The following SEMA3E variants were observed in gnomAD, a reference collection of about 807,000 sequenced individuals.
SEMA3E encodes semaphorin-3E.
Under a neutral mutation model 93.6 loss-of-function variants are expected in SEMA3E, and 49 were observed. The ratio of observed to expected loss-of-function variants is 0.52; its 90% confidence interval spans 0.42 to 0.66. The LOEUF (loss-of-function observed/expected upper bound fraction) is 0.66, where lower values mean the gene tolerates loss of function less well. Ranked by LOEUF, SEMA3E falls within the 30% of genes least tolerant of loss-of-function variation. The probability of loss-of-function intolerance (pLI) is 0.00; values close to 1 mark genes in which losing one functional copy is unlikely to be tolerated. For missense variants in SEMA3E, 906 were observed against 964.8 expected, an observed-to-expected ratio of 0.94 and a Z score of 0.81; for synonymous variants, 363 against 330.7, an observed-to-expected ratio of 1.10 and a Z score of -1.06.
chr7:83,429,722 A>G (rs1788843929), intron 4 of SEMA3E, among the ~76,000 whole-genome samples: 1 of 151,792 alleles, frequency 6.6e-6, no homozygotes, highest in Non-Finnish European at 1.5e-5. Flanking sequence ...CCCTCATCCA[A>G]TCCACACTCC....
At chr7:83,589,851 C>T (rs1792719213) in intron 1 of SEMA3E, among the ~76,000 whole-genome samples, 1 of 151,968 alleles carries the variant, frequency 6.6e-6, no homozygotes, top group Non-Finnish European at 1.5e-5. Flanking sequence ...TCCAGAAATA[C>T]CTGGTTTCAA....
intron 4 of SEMA3E, among the ~76,000 whole-genome samples, chr7:83,454,993 G>T (rs1462337051): frequency 6.6e-6 from 1 of 150,976 alleles, no homozygotes; most frequent in African/African-American, 2.4e-5. Context: ...TGTACTCTCA[G>T]AGGTATATGT....
In SEMA3E at chr7:83,363,859, CATTTTTTTTTTTTTTT is replaced by C. The variant is rs1794621858; in HGVS notation, c.*3711_*3726del. The C allele has an allele frequency of 2.7e-4, 27 of 100,558 alleles. No individual in the cohort carries two copies. The highest frequency in any genetic ancestry group is 1.1e-3 in the African/African-American group (24 of 21,448). 6.2% of individuals were successfully genotyped at this position (100,558 alleles called of 1,614,324 possible). ...AGGCTACAGGTGTCACAGGTCAATT[CATTTTTTTTTTTTTTT>C]TTTTTTTTTTTTTTTTTTTTTTTTT... is the stretch of plus-strand genomic sequence containing the variant. On this transcript the variant is annotated 3_prime_UTR_variant, in exon 17 of 17. Coordinates refer to ENST00000643230, the MANE Select transcript of SEMA3E (RefSeq NM_012431.3).
At chr7:83,527,584 T>C (rs1232608024) in intron 1 of SEMA3E, among the ~76,000 whole-genome samples, 2 of 152,176 alleles carry the variant, frequency 1.3e-5, no homozygotes, top group South Asian at 2.1e-4. Flanking sequence ...CAGATATATA[T>C]ATTCAAAGAT....
At chr7:83,584,890 CCAAAAAA>C (rs570792736) in intron 1 of SEMA3E, among the ~76,000 whole-genome samples, 2 of 152,030 alleles carry the variant, frequency 1.3e-5, no homozygotes, top group Non-Finnish European at 2.9e-5. Context: ...CAATCTTCCC[CCAAAAAA>C]CTCAGTTATA....
intron 4 of SEMA3E, among the ~76,000 whole-genome samples, chr7:83,435,602 A>G (rs1447507428): frequency 6.6e-6 from 1 of 152,216 alleles, no homozygotes; most frequent in Non-Finnish European, 1.5e-5. Flanking sequence ...TCCAAAAAAA[A>G]TAAAATAAAT....
At chr7:83,402,405 T>A (rs950757338) in intron 10 of SEMA3E, among the ~76,000 whole-genome samples, 1 of 152,016 alleles carries the variant, frequency 6.6e-6, no homozygotes, top group African/African-American at 2.4e-5. Flanking sequence ...GTACATATTT[T>A]ATAATACTGC....
intron 14 of SEMA3E, among the ~76,000 whole-genome samples, chr7:83,390,356 A>G (rs1156346647): frequency 1.3e-5 from 2 of 151,824 alleles, no homozygotes; most frequent in Non-Finnish European, 2.9e-5. Flanking sequence ...AAAATTGCGT[A>G]TTATTCTTAT....
chr7:83,492,460 ATAG>A (rs1790406286), intron 1 of SEMA3E, among the ~76,000 whole-genome samples: 1 of 152,022 alleles, frequency 6.6e-6, no homozygotes, highest in African/African-American at 2.4e-5. Context: ...TAGTCTAAAG[ATAG>A]TAGTTCTTAT....
intron 11 of SEMA3E, among the ~76,000 whole-genome samples, chr7:83,399,476 G>C (rs1788193956): frequency 1.3e-5 from 2 of 152,098 alleles, no homozygotes; most frequent in African/African-American, 4.8e-5. Context: ...GCTGTGTTTA[G>C]AGATTTAGGT....
chr7:83,473,264 C>T (rs78635720), intron 2 of SEMA3E, among the ~76,000 whole-genome samples: 3,854 of 152,252 alleles, frequency 0.025, 183 homozygotes, highest in African/African-American at 0.089. Context: ...TAAGAGTCCT[C>T]AGAGACCTTA....
chr7:83,521,863 G>A (rs1375689919), intron 1 of SEMA3E, among the ~76,000 whole-genome samples: 1 of 151,970 alleles, frequency 6.6e-6, no homozygotes, highest in Admixed American at 6.6e-5. Context: ...TGGCTTCAGG[G>A]GTTTAGGGCT....
chr7:83,405,417 A>G lies in SEMA3E; in HGVS notation c.998+33T>C, dbSNP rs756704652. ...AGTCCGGTGAGGCATCTCTTGTTCT[A>G]TATTGTTTTTATTGACTGTATAAAT... is the stretch of plus-strand genomic sequence containing the variant. On this transcript the variant is annotated intron_variant, in intron 9 of 16. Transcript: ENST00000643230. 2.0e-6 allele frequency: 3 copies of G among 1,484,608 alleles called. No individual in the cohort carries two copies. In the African/African-American group the frequency reaches 4.1e-5, roughly 20 times the overall value. The allele number at this position is 1,484,608 out of a possible 1,614,324, so 92.0% of individuals were successfully genotyped here. A position where few individuals can be genotyped will look rare whatever the true frequency, so the allele number is the denominator to read the frequency against.
chr7:83,568,939 T>C (rs990303602), intron 1 of SEMA3E, among the ~76,000 whole-genome samples: 10 of 152,112 alleles, frequency 6.6e-5, no homozygotes, highest in African/African-American at 2.4e-4. Context: ...GAAGTCACGT[T>C]ATTCTTCTTT....
At position 83,569,165 on chromosome 7, in the gene SEMA3E, T is replaced by G. The variant is rs149166521; in HGVS notation, c.116-78891A>C. Among the ~76,000 whole-genome samples the G allele has an allele frequency of 6.2e-3, 943 of 151,338 alleles. 9 individuals carry two copies. The highest frequency in any genetic ancestry group is 0.022 in the African/African-American group (906 of 41,290). On this transcript the variant is annotated intron_variant, in intron 1 of 16. Transcript: ENST00000643230. ...TACAAAAAAAAAAAAATCTTATAAA[T>G]AAATTTAACCTAAGGGGTAAAAGAT...
intron 1 of SEMA3E, among the ~76,000 whole-genome samples, chr7:83,512,300 T>C (rs1209961804): frequency 6.6e-6 from 1 of 152,180 alleles, no homozygotes; most frequent in East Asian, 1.9e-4. Context: ...AAGAAAGTCT[T>C]TGGAGAGGAG....
In SEMA3E at chr7:83,575,415, ATAT is replaced by A. The variant is rs566840262; in HGVS notation, c.115+73010_115+73012del. Among the ~76,000 whole-genome samples the A allele has an allele frequency of 6.2e-3, 938 of 152,042 alleles. 8 individuals carry two copies. The highest frequency in any genetic ancestry group is 0.022 in the African/African-American group (896 of 41,462). ...AGATGAGGTAATTTTTATCATGTAA[ATAT>A]TATTTAATAGTTTTACTTACATGTT... On this transcript the variant is annotated intron_variant, in intron 1 of 16. Coordinates refer to ENST00000643230, the MANE Select transcript of SEMA3E (RefSeq NM_012431.3).
intron 15 of SEMA3E, 87 bp downstream of exon 15, chr7:83,386,895 GA>G (rs1020067611): frequency 9.5e-6 from 11 of 1,153,588 alleles, no homozygotes; most frequent in East Asian, 2.5e-5. Context: ...GAATCACAAA[GA>G]AAAAAAGGAC....
chr7:83,559,080 C>T (rs1562832312), intron 1 of SEMA3E, among the ~76,000 whole-genome samples: 1 of 152,020 alleles, frequency 6.6e-6, no homozygotes, highest in African/African-American at 2.4e-5. Context: ...AATTGGTGCT[C>T]ATCTTTGACT....
Sources: allele counts gnomAD v4.1 joint callset (sites outside exome capture counted in the v4.1 genomes callset), GRCh38; gene constraint gnomAD v4.1.1; transcripts MANE v1.5; gene names NCBI Gene and HGNC (gene_info 2026-07-23, HGNC 2026-07-21).